Variants in CCDC146 observed in about 807,000 individuals in gnomAD.
The protein encoded by CCDC146 is coiled-coil domain-containing protein 146.
Under a neutral mutation model 119.3 loss-of-function variants are expected in CCDC146, and 92 were observed. The observed-to-expected ratio is 0.77, with a 90% CI of 0.65 to 0.92. CCDC146 has a LOEUF of 0.92. Among genes scored for constraint, CCDC146 ranks in the 40% least tolerant of loss-of-function variants. The pLI, the probability that CCDC146 is intolerant of heterozygous loss-of-function variation, is 0.00. For missense variants in CCDC146, 1,000 were observed against 1,103.0 expected (o/e 0.91, Z 1.32); for synonymous variants, 372 against 371.8 (o/e 1.00, Z -0.01).
chr7:77,187,027 A>G (rs2150420694), intron 2 of CCDC146, among the ~76,000 whole-genome samples: 2 of 152,296 alleles, frequency 1.3e-5, no homozygotes, highest in South Asian at 4.1e-4. Context: ...AAGCTAGGTT[A>G]CTGTTCATCC....
intron 9 of CCDC146, among the ~76,000 whole-genome samples, chr7:77,268,825 C>A (rs1393070671): frequency 3.3e-5 from 5 of 152,138 alleles, no homozygotes; most frequent in Non-Finnish European, 7.3e-5. Context: ...AGATTAACTG[C>A]CTTCTAGCTT....
chr7:77,256,888 G>C (rs1358828167), intron 6 of CCDC146, among the ~76,000 whole-genome samples: 1 of 152,186 alleles, frequency 6.6e-6, no homozygotes, highest in Non-Finnish European at 1.5e-5. Flanking sequence ...TGGATCACCT[G>C]AGGTTAGGAG....
chr7:77,178,889 T>G (rs1349777692), intron 2 of CCDC146, among the ~76,000 whole-genome samples: 3 of 152,174 alleles, frequency 2.0e-5, no homozygotes, highest in Admixed American at 1.3e-4. Context: ...CATTGGGGAC[T>G]AAACATGGAA....
At chr7:77,284,843 G>C (rs1450705488) in intron 15 of CCDC146, among the ~76,000 whole-genome samples, 1 of 151,916 alleles carries the variant, frequency 6.6e-6, no homozygotes, top group Non-Finnish European at 1.5e-5. Flanking sequence ...CTGATTATCT[G>C]CTCAGCATCA....
chr7:77,217,550 CAT>C (rs755931636), intron 2 of CCDC146, among the ~76,000 whole-genome samples: 259 of 147,078 alleles, frequency 1.8e-3, no homozygotes, highest in Middle Eastern at 3.5e-3. Context: ...ACTATATATA[CAT>C]ATATATATAT....
At chr7:77,169,446 C>T (rs1279971632) in intron 2 of CCDC146, among the ~76,000 whole-genome samples, 1 of 152,272 alleles carries the variant, frequency 6.6e-6, no homozygotes, top group Non-Finnish European at 1.5e-5. Flanking sequence ...AAAATTTTCA[C>T]CTACAAGTTT....
intron 2 of CCDC146, among the ~76,000 whole-genome samples, chr7:77,234,252 C>CTTT (rs11286441): frequency 1.9e-4 from 28 of 147,472 alleles, no homozygotes; most frequent in Non-Finnish European, 3.0e-4. Flanking sequence ...TTTGTAAAGG[C>CTTT]TTTTTTTTTT....
chr7:77,286,633 T>C (rs575948873), intron 15 of CCDC146, among the ~76,000 whole-genome samples, 165 bp from the exon 16 acceptor site: 17 of 152,260 alleles, frequency 1.1e-4, no homozygotes, highest in African/African-American at 4.1e-4. Context: ...AGCAGAAACG[T>C]CACTTAACCA....
At chr7:77,131,546 C>T (rs1398467536) in intron 1 of CCDC146, among the ~76,000 whole-genome samples, 2 of 151,948 alleles carry the variant, frequency 1.3e-5, no homozygotes, top group Non-Finnish European at 2.9e-5. Context: ...GGCGAAACCA[C>T]GTCTCTACTA....
chr7:77,239,078 G>A (rs1254016938), intron 3 of CCDC146, among the ~76,000 whole-genome samples: 1 of 152,156 alleles, frequency 6.6e-6, no homozygotes, highest in Admixed American at 6.5e-5. Context: ...AACTGAATGA[G>A]TCTTCCATAG....
At chr7:77,123,821 C>T (rs529200529) in intron 1 of CCDC146, among the ~76,000 whole-genome samples, 1 of 152,258 alleles carries the variant, frequency 6.6e-6, no homozygotes, top group East Asian at 1.9e-4. Context: ...CTTTTCTGTC[C>T]TTCTAGTCCT....
intron 2 of CCDC146, among the ~76,000 whole-genome samples, chr7:77,188,491 G>A (rs937585655): frequency 6.6e-6 from 1 of 152,114 alleles, no homozygotes; most frequent in African/African-American, 2.4e-5. Flanking sequence ...CAAATGAAAA[G>A]GTTTTTCGAT....
At chr7:77,252,348 G>A (rs1166750486) in intron 4 of CCDC146, among the ~76,000 whole-genome samples, 1 of 152,024 alleles carries the variant, frequency 6.6e-6, no homozygotes, top group Non-Finnish European at 1.5e-5. Flanking sequence ...CCCCAAACAG[G>A]GTAAACTCAA....
Position 77,294,647 on chromosome 7 carries a change from A to G in CCDC146, c.2665-16A>G. On this transcript the variant is annotated splice_polypyrimidine_tract_variant and intron_variant, in intron 18 of 18. Coordinates refer to ENST00000285871, the MANE Select transcript of CCDC146 (RefSeq NM_020879.3). ...GAGTTTTCAGAGAACTGAAAAGGAA[A>G]AATCATTCTTTGCAGGAGTTCTTGG... is the stretch of plus-strand genomic sequence containing the variant. 3 of 1,613,556 alleles carry G rather than the reference A, an allele frequency of 1.9e-6. No homozygotes were observed. The highest frequency in any genetic ancestry group is 1.3e-5 in the African/African-American group (1 of 75,028).
intron 1 of CCDC146, among the ~76,000 whole-genome samples, chr7:77,151,399 G>A (rs1420509338): frequency 2.6e-5 from 4 of 151,976 alleles, no homozygotes; most frequent in Non-Finnish European, 5.9e-5. Context: ...GGAATGGGAG[G>A]GGATAGGGTG....
At chr7:77,260,311 CA>C in intron 8 of CCDC146, 75 bp downstream of exon 8, 1 of 1,044,192 alleles carries the variant, frequency 9.6e-7, no homozygotes, top group Non-Finnish European at 1.4e-6. Flanking sequence ...TTCAAAATCT[CA>C]CTTTGGTGTT....
chr7:77,127,116 G>T (rs963747070), intron 1 of CCDC146, among the ~76,000 whole-genome samples: 10 of 152,176 alleles, frequency 6.6e-5, no homozygotes, highest in African/African-American at 2.2e-4. Context: ...CTGCAGAGAT[G>T]CCTGGGTCCC....
chr7:77,290,149 C>A (rs893195737), intron 17 of CCDC146, among the ~76,000 whole-genome samples: 6 of 150,040 alleles, frequency 4.0e-5, no homozygotes, highest in African/African-American at 1.5e-4. Context: ...GGACAAAAAA[C>A]CAAACACTGC....
intron 4 of CCDC146, among the ~76,000 whole-genome samples, chr7:77,253,046 C>G (rs1302841853): frequency 6.6e-6 from 1 of 152,186 alleles, no homozygotes; most frequent in Non-Finnish European, 1.5e-5. Flanking sequence ...GGGCCAAAGG[C>G]AGATCCTTAT....
Sources: gnomAD v4.1 joint callset for allele counts (sites outside exome capture counted in the v4.1 genomes callset) on GRCh38, gnomAD v4.1.1 for gene constraint, MANE v1.5 for transcripts, NCBI Gene and HGNC (gene_info 2026-07-23, HGNC 2026-07-21) for gene names.